The following LIPG variants were observed in gnomAD, a reference collection of about 807,000 sequenced individuals.
The protein encoded by LIPG is lipase G, endothelial type.
In LIPG, 34 loss-of-function variants were observed where a neutral mutation model predicts 51.8. The ratio of observed to expected loss-of-function variants is 0.66; its 90% CI spans 0.50 to 0.87. LIPG has a LOEUF of 0.87. Among genes scored for constraint, LIPG ranks in the 40% least tolerant of loss-of-function variants. The probability of loss-of-function intolerance (pLI) is 0.00; values close to 1 mark genes in which losing one functional copy is unlikely to be tolerated. For missense variants in LIPG, 580 were observed against 652.7 expected (o/e 0.89, Z 1.21); for synonymous variants, 246 against 246.1 (o/e 1.00, Z 0.00).
intron 5 of LIPG, among the ~76,000 whole-genome samples, chr18:49,577,856 A>C (rs1600555721): frequency 1.3e-5 from 1 of 77,534 alleles, no homozygotes; most frequent in African/African-American, 5.7e-5. Context: ...TGACCCCCCC[A>C]TCTCCCTCCC....
chr18:49,583,553 T>C lies in LIPG; in HGVS notation c.1158-3T>C. 1 of 1,612,716 alleles carries C rather than the reference T, an allele frequency of 6.2e-7. No individual in the cohort carries two copies. The highest frequency in any genetic ancestry group is 8.5e-7 in the Non-Finnish European group (1 of 1,178,794). ...GTGAGATCAGCTTCTCTCCCACTTG[T>C]AGAGTGGAGCGGATCGAGCAGAATG... On this transcript the variant is annotated splice_region_variant and splice_polypyrimidine_tract_variant and intron_variant, in intron 7 of 9. Transcript: ENST00000261292.
In LIPG at chr18:49,595,451, T is replaced by C. The variant is rs2084977114; in HGVS notation, c.*4929T>C. 1 of 152,166 alleles carries C rather than the reference T, an allele frequency of 6.6e-6. No individual in the cohort carries two copies. Among genetic ancestry groups the C allele is most frequent in the Non-Finnish European group, 1.5e-5 (1 of 68,028 alleles). 9.4% of individuals were successfully genotyped at this position (152,166 alleles called of 1,614,324 possible). A position where few individuals can be genotyped will look rare whatever the true frequency, so the allele number is the denominator to read the frequency against. ...ACAGAGACAATACTGCTCAGGGTTG[T>C]TGTGAATGTTAAAGGTACATGGTAA... On this transcript the variant is annotated 3_prime_UTR_variant, in exon 10 of 10. Transcript: ENST00000261292.
In LIPG at chr18:49,590,770, C is replaced by G. The variant is rs1218133249; in HGVS notation, c.*248C>G. 2 of 585,810 alleles carry G rather than the reference C, an allele frequency of 3.4e-6. No homozygotes were observed. The highest frequency in any genetic ancestry group is 5.8e-5 in the East Asian group (2 of 34,372). 36.3% of individuals were successfully genotyped at this position (585,810 alleles called of 1,614,324 possible). ...ACCTCTGTCCACACCTCCAGAGCAC[C>G]AAGTCCAGATTTGTGTGTAAGCAGC... On this transcript the variant is annotated 3_prime_UTR_variant, in exon 10 of 10. Coordinates refer to ENST00000261292, the MANE Select transcript of LIPG (RefSeq NM_006033.4).
chr18:49,575,407 A>G lies in LIPG; in HGVS notation c.610A>G (p.Ile204Val), dbSNP rs1225035816. ...PAGPMFEGAD[I>V]HKRLSPDDAD... is the part of the protein sequence containing the mutation. ...CGGGCCCATGTTTGAAGGGGCCGAC[A>G]TCCACAAGAGGCTCTCTCCGGACGA... The change falls in exon 5 of 10, where the codon ATC becomes GTC. Residue 204 changes from isoleucine to valine, a missense_variant. Physicochemically the swap from Ile to Val is conservative, Grantham distance 29. Coordinates refer to ENST00000261292, the MANE Select transcript of LIPG (RefSeq NM_006033.4). The G allele has an allele frequency of 6.2e-7, 1 of 1,613,716 alleles. No individual in the cohort carries two copies. Among genetic ancestry groups the G allele is most frequent in the Non-Finnish European group, 8.5e-7 (1 of 1,180,032 alleles).
At chr18:49,581,257 C>A (rs2084815427) in intron 5 of LIPG, among the ~76,000 whole-genome samples, 158 bp from the exon 6 acceptor site, 1 of 152,108 alleles carries the variant, frequency 6.6e-6, no homozygotes, top group African/African-American at 2.4e-5. Flanking sequence ...AGAGTGAGAC[C>A]TTGTCTCAAC....
rs1256086865 is a variant in LIPG, at chr18:49,592,257, T to G, written c.*1735T>G. ...TGTTCTCAAGCCAATTGTGTGCTTC[T>G]CTTGTTTCTGTGATTGCTTTCTAGC... On this transcript the variant is annotated 3_prime_UTR_variant, in exon 10 of 10. Transcript: ENST00000261292. The G allele has an allele frequency of 6.6e-6, 1 of 152,254 alleles. No individual in the cohort carries two copies. The highest frequency in any genetic ancestry group is 6.5e-5 in the Admixed American group (1 of 15,286). 9.4% of individuals were successfully genotyped at this position (152,254 alleles called of 1,614,324 possible).
At position 49,582,378 on chromosome 18, in the gene LIPG, G is replaced by GA. The variant is rs1299964003; in HGVS notation, c.1057dup (p.Ile353AsnfsTer13). ...TCACTGCAGTTTACCATTATCAGAT[G>GA]AAAATCCATGTCTTCAGTTACAAGA... On this transcript the variant is annotated frameshift_variant, in exon 7 of 10. Transcript: ENST00000261292. LOFTEE classifies it high-confidence loss of function. 3.1e-6 allele frequency: 5 copies of GA among 1,614,062 alleles called. No individual in the cohort carries two copies. Among genetic ancestry groups the GA allele is most frequent in the African/African-American group, 1.3e-5 (1 of 74,926 alleles).
At position 49,590,645 on chromosome 18, in the gene LIPG, A is replaced by G. The variant is rs1037972232; in HGVS notation, c.*123A>G. 2 of 963,800 alleles carry G rather than the reference A, an allele frequency of 2.1e-6. No individual in the cohort carries two copies. Among genetic ancestry groups the G allele is most frequent in the Admixed American group, 4.0e-5 (2 of 50,222 alleles). The allele number at this position is 963,800 out of a possible 1,614,324, so 59.7% of individuals were successfully genotyped here. A position where few individuals can be genotyped will look rare whatever the true frequency, so the allele number is the denominator to read the frequency against. ...TTCTTCTCAGCCTTGACCCTGGAGC[A>G]CTGGGAACAACTGGTCTCCTGTGAT... is the stretch of plus-strand genomic sequence containing the variant. On this transcript the variant is annotated 3_prime_UTR_variant, in exon 10 of 10. Coordinates refer to ENST00000261292, the MANE Select transcript of LIPG (RefSeq NM_006033.4).
chr18:49,563,936 G>GC (rs949224130), intron 1 of LIPG, among the ~76,000 whole-genome samples: 1 of 152,074 alleles, frequency 6.6e-6, no homozygotes, highest in African/African-American at 2.4e-5. Context: ...TCCCCATCTG[G>GC]CCTCTGCATG....
chr18:49,580,632 A>G (rs927994759), intron 5 of LIPG, among the ~76,000 whole-genome samples: 5 of 152,008 alleles, frequency 3.3e-5, no homozygotes, highest in Non-Finnish European at 7.4e-5. Context: ...GACACTGTCT[A>G]TAAAACAAAA....
Position 49,575,607 on chromosome 18 carries a change from C to T in LIPG, c.793+17C>T. On this transcript the variant is annotated intron_variant, in intron 5 of 9. Transcript: ENST00000261292. Reference sequence around the variant, plus strand: ...CATATGGAAGTGAGTTCCCTCTTTTCTGCTTTGTGTTTGACTCAGTTTATT... The same window carrying T: ...CATATGGAAGTGAGTTCCCTCTTTTTTGCTTTGTGTTTGACTCAGTTTATT... 1.2e-6 allele frequency: 2 copies of T among 1,605,560 alleles called. No homozygotes were observed. Among genetic ancestry groups the T allele is most frequent in the Non-Finnish European group, 1.7e-6 (2 of 1,173,378 alleles).
chr18:49,575,282 T>A (rs1000288514), intron 4 of LIPG, 87 bp from the exon 5 acceptor site: 4 of 1,025,486 alleles, frequency 3.9e-6, no homozygotes, highest in Non-Finnish European at 6.0e-6. Flanking sequence ...ATCTTCATTC[T>A]GCACACTCAG....
rs767013952 is a variant in LIPG, at chr18:49,581,584, C to T, written c.963C>T (p.Tyr321=). The part of the protein sequence containing the change: ...CRKNRCNSIG[Y]NAKKMRNKRN... ...AGAACCGTTGTAATAGCATTGGCTA[C>T]AATGCCAAGAAAATGAGGAACAAGA... is the stretch of plus-strand genomic sequence containing the variant. The change falls in exon 6 of 10, where the codon TAC becomes TAT. Residue 321 remains tyrosine, a synonymous_variant. Transcript: ENST00000261292. 6.2e-6 allele frequency: 10 copies of T among 1,614,080 alleles called. No individual in the cohort carries two copies. In the Admixed American group the frequency reaches 1.7e-4, roughly 27 times the overall value.
Position 49,593,004 on chromosome 18 carries a change from C to T in LIPG, c.*2482C>T, listed in dbSNP as rs796895474. 10 of 142,600 alleles carry T rather than the reference C, an allele frequency of 7.0e-5. No homozygotes were observed. The highest frequency in any genetic ancestry group is 2.6e-4 in the African/African-American group (10 of 38,212). 8.8% of individuals were successfully genotyped at this position (142,600 alleles called of 1,614,324 possible). ...CTGGAGTGCAGTGGCAATCTTGGCTCACTACAACCTCTGCCTCCTGGGCTC... is the reference window on the plus strand; with the variant it reads ...CTGGAGTGCAGTGGCAATCTTGGCTTACTACAACCTCTGCCTCCTGGGCTC... On this transcript the variant is annotated 3_prime_UTR_variant, in exon 10 of 10. Coordinates refer to ENST00000261292, the MANE Select transcript of LIPG (RefSeq NM_006033.4).
intron 9 of LIPG, among the ~76,000 whole-genome samples, chr18:49,587,568 CAAAAAAAAAA>C (rs34734805): frequency 2.4e-5 from 1 of 42,308 alleles, no homozygotes; most frequent in Non-Finnish European, 4.3e-5. Flanking sequence ...GACTCCGTCT[CAAAAAAAAAA>C]AAAAAAAAAA....
At chr18:49,582,515 AC>A (rs746604907) in intron 7 of LIPG, 33 bp downstream of exon 7, 40 of 1,614,022 alleles carry the variant, frequency 2.5e-5, no homozygotes, top group Non-Finnish European at 3.3e-5. Context: ...TGGGTTCGGG[AC>A]AGAGAACAGG....
chr18:49,562,046 A>G (rs937039526), upstream of LIPG: 2 of 1,438,632 alleles, frequency 1.4e-6, no homozygotes, highest in Non-Finnish European at 9.1e-7. Flanking sequence ...CTACCTCTAT[A>G]GGAGCGTGAC....
chr18:49,582,924 T>C (rs544004485), intron 7 of LIPG, among the ~76,000 whole-genome samples: 2 of 152,288 alleles, frequency 1.3e-5, no homozygotes, highest in African/African-American at 4.8e-5. Context: ...TGCCAAGTAA[T>C]GTTGGGATTG....
intron 1 of LIPG, among the ~76,000 whole-genome samples, chr18:49,564,670 C>T (rs201519187): frequency 3.3e-5 from 5 of 152,320 alleles, no homozygotes; most frequent in East Asian, 1.9e-4. Context: ...TTCCAAAATC[C>T]ACAAACTCTC....
Sources: gnomAD v4.1 joint callset for allele counts (sites outside exome capture counted in the v4.1 genomes callset) on GRCh38, gnomAD v4.1.1 for gene constraint, MANE v1.5 for transcripts, NCBI Gene and HGNC (gene_info 2026-07-23, HGNC 2026-07-21) for gene names.